SYT1: variants seen among roughly 807,000 people sequenced by gnomAD.
SYT1 encodes the protein synaptotagmin-1.
In SYT1, 8 loss-of-function variants were observed where a neutral mutation model predicts 44.8. The ratio of observed to expected loss-of-function variants is 0.18; its 90% CI spans 0.10 to 0.32. SYT1 has a LOEUF of 0.32. SYT1 is among the 10% of genes least tolerant of loss of function. The probability of loss-of-function intolerance (pLI) is 1.00; values close to 1 mark genes in which losing one functional copy is unlikely to be tolerated. For missense variants in SYT1, 286 were observed against 509.3 expected, an observed-to-expected ratio of 0.56 and a Z score of 4.22; for synonymous variants, 154 against 188.8, an observed-to-expected ratio of 0.82 and a Z score of 1.51.
At chr12:79,370,254 T>A (rs936757270) in intron 9 of SYT1, among the ~76,000 whole-genome samples, 1 of 152,142 alleles carries the variant, frequency 6.6e-6, no homozygotes, top group South Asian at 2.1e-4. Context: ...ACAGTCTCAG[T>A]TAAGGAACAG....
chr12:79,262,478 T>G (rs1020872751), intron 4 of SYT1, among the ~76,000 whole-genome samples: 10 of 152,154 alleles, frequency 6.6e-5, no homozygotes, highest in Non-Finnish European at 1.5e-4. Context: ...TTCTGCCCCT[T>G]GTCCAACTCT....
intron 3 of SYT1, among the ~76,000 whole-genome samples, chr12:79,138,875 A>T (rs1249815771): frequency 6.6e-6 from 1 of 152,230 alleles, no homozygotes; most frequent in Non-Finnish European, 1.5e-5. Flanking sequence ...TATGCACAAA[A>T]TTTAAGGTGG....
chr12:79,045,346 G>A (rs897415661), intron 2 of SYT1, among the ~76,000 whole-genome samples: 41 of 152,178 alleles, frequency 2.7e-4, no homozygotes, highest in African/African-American at 6.3e-4. Flanking sequence ...TAAGCCGGTC[G>A]GAAAAGCGCA....
chr12:79,163,516 C>T (rs146615907), intron 3 of SYT1, among the ~76,000 whole-genome samples: 26 of 152,176 alleles, frequency 1.7e-4, no homozygotes, highest in African/African-American at 6.3e-4. Flanking sequence ...TCCTTGATAA[C>T]ACGGTCTAAA....
intron 8 of SYT1, among the ~76,000 whole-genome samples, chr12:79,334,193 T>TAG (rs1881984211): frequency 1.3e-5 from 2 of 152,096 alleles, no homozygotes; most frequent in Non-Finnish European, 2.9e-5. Context: ...ACTCCAAACT[T>TAG]TTCTTACTGA....
At chr12:78,941,325 G>A (rs1222232599) in intron 1 of SYT1, among the ~76,000 whole-genome samples, 1 of 151,146 alleles carries the variant, frequency 6.6e-6, no homozygotes, top group Non-Finnish European at 1.5e-5. Context: ...GCCTGCCTCA[G>A]CCTCCCAAAG....
intron 3 of SYT1, among the ~76,000 whole-genome samples, chr12:79,157,971 G>A (rs954250249): frequency 6.6e-6 from 1 of 151,988 alleles, no homozygotes; most frequent in African/African-American, 2.4e-5. Context: ...CATCCACCAT[G>A]GTATAAAGGA....
chr12:79,391,504 T>G (rs919352196), intron 9 of SYT1, among the ~76,000 whole-genome samples: 1 of 152,206 alleles, frequency 6.6e-6, no homozygotes, highest in South Asian at 2.1e-4. Flanking sequence ...TTAAAAAAAC[T>G]AATTTAATAA....
Position 79,154,968 on chromosome 12 carries a change from T to C in SYT1, c.-17-62535T>C, listed in dbSNP as rs527784131. Among the ~76,000 whole-genome samples, 14 of 152,252 alleles carry C rather than the reference T, an allele frequency of 9.2e-5. No individual in the cohort carries two copies. In the East Asian group the frequency reaches 2.1e-3, roughly 23 times the overall value. On this transcript the variant is annotated intron_variant, in intron 3 of 10. Transcript: ENST00000261205. ...TCTCTACTCCCACATGAAACAGCCA[T>C]ATGGCCATGGCACCACAATTTCACT... is the stretch of plus-strand genomic sequence containing the variant.
chr12:79,049,472 CTCTT>C (rs1426009428), intron 3 of SYT1, among the ~76,000 whole-genome samples: 1 of 151,318 alleles, frequency 6.6e-6, no homozygotes, highest in Non-Finnish European at 1.5e-5. Context: ...CAAAAAAAGA[CTCTT>C]CTTATTATAC....
chr12:79,291,900 A>T lies in SYT1; in HGVS notation c.352-108A>T, dbSNP rs769524676. The stretch of plus-strand genomic sequence containing the variant: ...TGTGTCAGACAAACAGATTTCCAGC[A>T]TCTTAGTGCTTGCTTCGAACAGCTT... On this transcript the variant is annotated intron_variant, in intron 5 of 10. Transcript: ENST00000261205. 5 of 1,307,908 alleles carry T rather than the reference A, an allele frequency of 3.8e-6. No individual in the cohort carries two copies. In the South Asian group the frequency reaches 4.8e-5, roughly 12 times the overall value. 81.0% of individuals were successfully genotyped at this position (1,307,908 alleles called of 1,614,324 possible).
chr12:79,382,412 AAT>A (rs895581182), intron 9 of SYT1, among the ~76,000 whole-genome samples: 9 of 152,126 alleles, frequency 5.9e-5, no homozygotes, highest in Non-Finnish European at 1.0e-4. Flanking sequence ...TATATTCAAA[AAT>A]ACACAAACAC....
At chr12:79,050,931 T>A (rs1055417620) in intron 3 of SYT1, among the ~76,000 whole-genome samples, 38 of 151,990 alleles carry the variant, frequency 2.5e-4, no homozygotes, top group Non-Finnish European at 4.7e-4. Context: ...AATTTAGAGG[T>A]CACCTATTCT....
At chr12:79,011,314 A>G (rs1871390834) in intron 2 of SYT1, among the ~76,000 whole-genome samples, 1 of 152,190 alleles carries the variant, frequency 6.6e-6, no homozygotes, top group African/African-American at 2.4e-5. Flanking sequence ...AAGTTTACAT[A>G]CCAGCTTAGA....
At chr12:78,980,565 A>G (rs964867103) in intron 2 of SYT1, among the ~76,000 whole-genome samples, 1 of 152,280 alleles carries the variant, frequency 6.6e-6, no homozygotes, top group East Asian at 1.9e-4. Flanking sequence ...CAAAAGTTTC[A>G]TTATGAAGTT....
At chr12:78,968,743 C>A (rs772874349) in intron 1 of SYT1, among the ~76,000 whole-genome samples, 1 of 152,086 alleles carries the variant, frequency 6.6e-6, no homozygotes, top group Non-Finnish European at 1.5e-5. Flanking sequence ...TTTAGAGGGA[C>A]CATGCCAAAG....
chr12:79,124,864 C>G (rs56220883), intron 3 of SYT1, among the ~76,000 whole-genome samples: 22,508 of 150,742 alleles, frequency 0.15, 1,738 homozygotes, highest in South Asian at 0.19. Context: ...CAAGTATGGA[C>G]TAATTTGAGT....
intron 9 of SYT1, among the ~76,000 whole-genome samples, chr12:79,417,411 C>T (rs1868811545): frequency 1.3e-5 from 2 of 152,058 alleles, no homozygotes; most frequent in Admixed American, 1.3e-4. Flanking sequence ...GCCTCCTTTC[C>T]CGCAACCTGC....
chr12:79,012,545 G>C (rs565519929), intron 2 of SYT1, among the ~76,000 whole-genome samples: 1 of 152,286 alleles, frequency 6.6e-6, no homozygotes, highest in African/African-American at 2.4e-5. Flanking sequence ...CAATAAGTAA[G>C]GAGAGAATCA....
Sources: gnomAD v4.1 joint callset for allele counts (sites outside exome capture counted in the v4.1 genomes callset) on GRCh38, gnomAD v4.1.1 for gene constraint, MANE v1.5 for transcripts, NCBI Gene and HGNC (gene_info 2026-07-23, HGNC 2026-07-21) for gene names.